SYBU: variants seen among roughly 807,000 people sequenced by gnomAD.
The protein encoded by SYBU is GOLSYN A protein.
Under a neutral mutation model 35.9 loss-of-function variants are expected in SYBU, and 21 were observed. The ratio of observed to expected loss-of-function variants is 0.58; its 90% CI spans 0.41 to 0.84. The LOEUF is 0.84. Among genes scored for constraint, SYBU ranks in the 40% least tolerant of loss-of-function variants. The pLI is 0.00. For missense variants in SYBU, 768 were observed against 848.2 expected, an observed-to-expected ratio of 0.91 and a Z score of 1.17; for synonymous variants, 319 against 324.3, an observed-to-expected ratio of 0.98 and a Z score of 0.18.
Position 109,575,437 on chromosome 8 carries a change from G to A in SYBU, c.1461C>T (p.Ala487=), listed in dbSNP as rs781489210. 5 of 1,613,938 alleles carry A rather than the reference G, an allele frequency of 3.1e-6. No individual in the cohort carries two copies. Among genetic ancestry groups the A allele is most frequent in the African/African-American group, 1.3e-5 (1 of 74,868 alleles). Residue 487 remains alanine (A), a synonymous_variant, in exon 7 of 7, where the codon GCC becomes GCT. Transcript: ENST00000276646. ...TGTAGGGCACCACGTCGGTCTGAAC[G>A]GCTCGCTCCACCACCACACTGCCCT... ...QEEGSVVVER[A]VQTDVVPYSP... is the part of the protein sequence containing the mutation.
At chr8:109,624,648 C>T (rs1812785906) in intron 2 of SYBU, among the ~76,000 whole-genome samples, 1 of 152,146 alleles carries the variant, frequency 6.6e-6, no homozygotes, top group Non-Finnish European at 1.5e-5. Context: ...ATGAGGCATG[C>T]AGCACTCCCT....
In SYBU at chr8:109,691,202, C is replaced by G; in HGVS notation, c.-58+131G>C. The G allele has an allele frequency of 1.7e-6, 1 of 605,874 alleles. No homozygotes were observed. Among genetic ancestry groups the G allele is most frequent in the Non-Finnish European group, 3.0e-6 (1 of 337,326 alleles). 37.5% of individuals were successfully genotyped at this position (605,874 alleles called of 1,614,324 possible). On this transcript the variant is annotated intron_variant, in intron 1 of 7. Coordinates refer to the SYBU transcript ENST00000422135. This position sits in a 1 kb window ranked among gnomAD's most constrained non-coding sequence, Gnocchi z 4.7. ...GCATCGCCGAGCACCCTGGATACCT[C>G]CCGCATTGGAAAGGGTGGTCCTGGG... is the stretch of plus-strand genomic sequence containing the variant.
intron 1 of SYBU, among the ~76,000 whole-genome samples, chr8:109,652,389 C>A (rs1032939259): frequency 6.9e-6 from 1 of 144,574 alleles, no homozygotes; most frequent in Non-Finnish European, 1.5e-5. Flanking sequence ...CTCTCTCTCT[C>A]TCCCTTTTTT....
At chr8:109,595,966 A>C (rs942061351) in intron 3 of SYBU, among the ~76,000 whole-genome samples, 2 of 152,220 alleles carry the variant, frequency 1.3e-5, no homozygotes, top group African/African-American at 4.8e-5. Context: ...CAGAGAGGTG[A>C]AAATGAAAGA....
chr8:109,620,521 C>T (rs1213644750), intron 2 of SYBU, among the ~76,000 whole-genome samples: 1 of 152,148 alleles, frequency 6.6e-6, no homozygotes, highest in Non-Finnish European at 1.5e-5. Context: ...CAAAATATCT[C>T]AATTCCTGGA....
chr8:109,586,765 T>G (rs768295923), intron 3 of SYBU, among the ~76,000 whole-genome samples: 9 of 152,324 alleles, frequency 5.9e-5, no homozygotes, highest in African/African-American at 1.9e-4. Context: ...AAGCAGAAAT[T>G]TAACAGTGAT....
At chr8:109,603,272 T>A in intron 3 of SYBU, 1 of 294,596 alleles carries the variant, frequency 3.4e-6, no homozygotes, top group Non-Finnish European at 5.0e-6. Context: ...CAAAATGTTT[T>A]TGAACTCCCA....
At chr8:109,622,016 T>C (rs942933877) in intron 2 of SYBU, among the ~76,000 whole-genome samples, 1 of 152,160 alleles carries the variant, frequency 6.6e-6, no homozygotes, top group African/African-American at 2.4e-5. Flanking sequence ...TCCCTCCTCC[T>C]TTCTTCCTCT....
chr8:109,632,279 G>T (rs927176528), intron 2 of SYBU, among the ~76,000 whole-genome samples: 2 of 152,204 alleles, frequency 1.3e-5, no homozygotes, highest in Non-Finnish European at 2.9e-5. Context: ...GACCTCAGAT[G>T]ACCTGCCCGC....
At chr8:109,681,647 GA>G (rs889089946), upstream of SYBU, among the ~76,000 whole-genome samples, 2 of 152,072 alleles carry the variant, frequency 1.3e-5, no homozygotes, top group Admixed American at 6.5e-5. Context: ...CAATAACTGG[GA>G]AAAAATATTC....
chr8:109,636,221 A>C (rs1244323480), intron 2 of SYBU, among the ~76,000 whole-genome samples: 1 of 152,206 alleles, frequency 6.6e-6, no homozygotes, highest in Non-Finnish European at 1.5e-5. Flanking sequence ...ACACCGCACT[A>C]ATTAATGTTA....
chr8:109,602,429 ATTTTTTTTT>A (rs751669435), intron 3 of SYBU, among the ~76,000 whole-genome samples: 7 of 132,664 alleles, frequency 5.3e-5, no homozygotes, highest in Admixed American at 1.6e-4. Flanking sequence ...CCTCTGTGTA[ATTTTTTTTT>A]TTTTTTTTTT....
chr8:109,644,932 G>A, upstream of SYBU: 1 of 539,480 alleles, frequency 1.9e-6, no homozygotes, highest in East Asian at 3.3e-5. Context: ...CGGCCTTCGG[G>A]GCAACTCGAC....
At chr8:109,645,633 G>GTTTTTTTTT (rs77642059), upstream of SYBU, 1,203 of 230,714 alleles carry the variant, frequency 5.2e-3, 12 homozygotes, top group Middle Eastern at 0.024. Flanking sequence ...TTCGTTTTTT[G>GTTTTTTTTT]TTTTTTTTTT....
At chr8:109,634,162 G>T (rs1259952530) in intron 2 of SYBU, among the ~76,000 whole-genome samples, 1 of 152,154 alleles carries the variant, frequency 6.6e-6, no homozygotes, top group Non-Finnish European at 1.5e-5. Context: ...TTAAGACTCT[G>T]CTTTTACCCA....
upstream of SYBU, chr8:109,648,964 G>A (rs1272148924): frequency 6.9e-6 from 1 of 144,010 alleles, no homozygotes; most frequent in Non-Finnish European, 1.5e-5. Flanking sequence ...TTTCCCATAA[G>A]AGCATGTGTG....
intron 1 of SYBU, among the ~76,000 whole-genome samples, chr8:109,654,552 T>C (rs1056047565): frequency 6.6e-6 from 1 of 152,242 alleles, no homozygotes; most frequent in Admixed American, 6.5e-5. Flanking sequence ...TCCTTCCCTC[T>C]TGGGGCAATA....
intron 4 of SYBU, chr8:109,581,170 A>G (rs576549695): frequency 6.6e-6 from 1 of 152,244 alleles, no homozygotes; most frequent in African/African-American, 2.4e-5. Flanking sequence ...GGCTAGGGCA[A>G]CCTTGAGGGC....
At position 109,628,857 on chromosome 8, in the gene SYBU, G is replaced by A. The variant is rs923353700; in HGVS notation, c.230-9818C>T. Reference sequence around the variant, plus strand: ...ATATTTGGGATTTACTGTTAATGAAGTATACTCGATGATATTATGTAGACT... The same window carrying A: ...ATATTTGGGATTTACTGTTAATGAAATATACTCGATGATATTATGTAGACT... On this transcript the variant is annotated intron_variant, in intron 2 of 6. Transcript: ENST00000276646. 2.0e-5 allele frequency among the ~76,000 whole-genome samples: 3 copies of A among 151,984 alleles called. No individual in the cohort carries two copies. The East Asian group carries it at 5.8e-4, about 29-fold the overall frequency.
Sources: allele counts gnomAD v4.1 joint callset (sites outside exome capture counted in the v4.1 genomes callset), GRCh38; gene constraint gnomAD v4.1.1; non-coding constraint Gnocchi (gnomAD v3.1); transcripts MANE v1.5; gene names NCBI Gene and HGNC (gene_info 2026-07-23, HGNC 2026-07-21).